Variants in ARHGAP15 observed in about 807,000 individuals in gnomAD.
ARHGAP15 encodes Rho GTPase activating protein 15, also known as rho GTPase-activating protein 15.
A neutral mutation model predicts 63.7 loss-of-function variants in ARHGAP15; 51 were observed. The observed-to-expected ratio is 0.80, with a 90% confidence interval of 0.64 to 1.01. The LOEUF is 1.01. ARHGAP15 is among the 50% of genes least tolerant of loss of function. The pLI is 0.00. For missense variants in ARHGAP15, 560 were observed against 564.6 expected, an observed-to-expected ratio of 0.99 and a Z score of 0.08; for synonymous variants, 191 against 193.8, an observed-to-expected ratio of 0.99 and a Z score of 0.12.
intron 6 of ARHGAP15, among the ~76,000 whole-genome samples, chr2:143,304,302 T>C (rs991054612): frequency 1.3e-5 from 2 of 152,078 alleles, no homozygotes; most frequent in South Asian, 4.1e-4. Context: ...ATGTCCTCTG[T>C]AGGGACATGG....
chr2:143,131,600 G>T (rs1396182280), intron 1 of ARHGAP15, among the ~76,000 whole-genome samples: 1 of 152,058 alleles, frequency 6.6e-6, no homozygotes, highest in Non-Finnish European at 1.5e-5. Flanking sequence ...CCATTCACTG[G>T]CTCCTTCCAT....
intron 6 of ARHGAP15, among the ~76,000 whole-genome samples, chr2:143,304,955 A>C (rs1284736479): frequency 6.6e-6 from 1 of 152,092 alleles, no homozygotes; most frequent in African/African-American, 2.4e-5. Context: ...ATACCATTGG[A>C]CCTAGCAATC....
chr2:143,153,821 CT>C (rs1689945198), intron 1 of ARHGAP15, among the ~76,000 whole-genome samples: 6 of 86,714 alleles, frequency 6.9e-5, no homozygotes, highest in Admixed American at 1.4e-4. Context: ...TCTTCTTCTT[CT>C]TCTTCTTCTT....
At chr2:143,167,572 C>A (rs1302488031) in intron 2 of ARHGAP15, among the ~76,000 whole-genome samples, 1 of 152,068 alleles carries the variant, frequency 6.6e-6, no homozygotes, top group African/African-American at 2.4e-5. Flanking sequence ...TAACTCTGAG[C>A]CCCCTATCTC....
intron 2 of ARHGAP15, among the ~76,000 whole-genome samples, chr2:143,178,506 T>C (rs2105063676): frequency 6.6e-6 from 1 of 152,382 alleles, no homozygotes; most frequent in East Asian, 1.9e-4. Context: ...ATGTCTGTAT[T>C]GAAGAATTCA....
At chr2:143,441,951 T>C (rs1308277423) in intron 8 of ARHGAP15, among the ~76,000 whole-genome samples, 1 of 152,212 alleles carries the variant, frequency 6.6e-6, no homozygotes, top group African/African-American at 2.4e-5. Context: ...AGGGTATATG[T>C]ATTTAAATGT....
chr2:143,553,680 T>A (rs1695668906), intron 10 of ARHGAP15, among the ~76,000 whole-genome samples: 1 of 152,222 alleles, frequency 6.6e-6, no homozygotes, highest in South Asian at 2.1e-4. Flanking sequence ...ATATGTCCAA[T>A]CCATACTACT....
At chr2:143,761,272 G>A (rs1686750870) in intron 13 of ARHGAP15, among the ~76,000 whole-genome samples, 1 of 152,216 alleles carries the variant, frequency 6.6e-6, no homozygotes, top group Non-Finnish European at 1.5e-5. Flanking sequence ...TTCACATGCA[G>A]TGGCTGAGCT....
chr2:143,353,465 CT>C (rs1685666021), intron 6 of ARHGAP15, among the ~76,000 whole-genome samples: 1 of 152,124 alleles, frequency 6.6e-6, no homozygotes, highest in Admixed American at 6.6e-5. Flanking sequence ...TCTCTACACT[CT>C]TTAGTTAGGT....
chr2:143,703,096 G>T (rs1465132568), intron 12 of ARHGAP15, among the ~76,000 whole-genome samples: 8 of 152,160 alleles, frequency 5.3e-5, no homozygotes, highest in Non-Finnish European at 8.8e-5. Flanking sequence ...AAGTCACATT[G>T]TTGTTGCTTT....
chr2:143,190,014 T>G (rs555208809), intron 2 of ARHGAP15, among the ~76,000 whole-genome samples: 2 of 152,308 alleles, frequency 1.3e-5, no homozygotes, highest in East Asian at 1.9e-4. Context: ...TCTTTCTGTT[T>G]GCTTATTTTG....
intron 10 of ARHGAP15, among the ~76,000 whole-genome samples, chr2:143,529,952 A>G (rs1574585036): frequency 6.6e-6 from 1 of 152,056 alleles, no homozygotes; most frequent in African/African-American, 2.4e-5. Context: ...TTATGGTTGG[A>G]TCACCCCGTC....
intron 11 of ARHGAP15, among the ~76,000 whole-genome samples, chr2:143,575,006 ACACATATTGAGTTT>A (rs1271782695): frequency 1.3e-5 from 2 of 152,184 alleles, no homozygotes; most frequent in Non-Finnish European, 2.9e-5. Flanking sequence ...TAAAATAGAT[ACACATATTGAGTTT>A]CACATGTCTA....
chr2:143,268,864 C>G (rs1681130058), intron 6 of ARHGAP15, among the ~76,000 whole-genome samples: 1 of 147,524 alleles, frequency 6.8e-6, no homozygotes, highest in Non-Finnish European at 1.5e-5. Context: ...AGGATAAACT[C>G]TTATAACTTT....
chr2:143,220,876 G>C (rs186692504), intron 4 of ARHGAP15, among the ~76,000 whole-genome samples: 65 of 152,170 alleles, frequency 4.3e-4, no homozygotes, highest in African/African-American at 1.5e-3. Flanking sequence ...TTCTTTATCA[G>C]TAATACTTAA....
chr2:143,713,220 C>T (rs531725900), intron 13 of ARHGAP15, among the ~76,000 whole-genome samples: 10 of 152,126 alleles, frequency 6.6e-5, no homozygotes, highest in East Asian at 5.8e-4. Context: ...AGAATCATGG[C>T]GGGAGGCAAA....
At chr2:143,642,539 G>A (rs1040492557) in intron 12 of ARHGAP15, among the ~76,000 whole-genome samples, 1 of 152,098 alleles carries the variant, frequency 6.6e-6, no homozygotes, top group Admixed American at 6.6e-5. Flanking sequence ...CCAAATAAGA[G>A]GAGAGCAGCT....
chr2:143,459,850 A>T (rs1690850316), intron 8 of ARHGAP15, among the ~76,000 whole-genome samples: 1 of 152,166 alleles, frequency 6.6e-6, no homozygotes, highest in Admixed American at 6.6e-5. Flanking sequence ...TTTCAAAGAA[A>T]ATTGTGGAAG....
intron 6 of ARHGAP15, among the ~76,000 whole-genome samples, chr2:143,286,967 T>G (rs1302130608): frequency 6.6e-6 from 1 of 152,160 alleles, no homozygotes; most frequent in East Asian, 1.9e-4. Flanking sequence ...CAAAACATTG[T>G]TATGTGGCAC....
Sources: allele counts gnomAD v4.1 joint callset (sites outside exome capture counted in the v4.1 genomes callset), GRCh38; gene constraint gnomAD v4.1.1; transcripts MANE v1.5; gene names NCBI Gene and HGNC (gene_info 2026-07-23, HGNC 2026-07-21).